Variants in GCNT1 observed in about 807,000 individuals in gnomAD.
The protein encoded by GCNT1 is glucosaminyl (N-acetyl) transferase 1, also known as beta-1,3-galactosyl-O-glycosyl-glycoprotein beta-1,6-N-acetylglucosaminyltransferase.
GCNT1 carries 16 observed loss-of-function variants against 26.2 expected under a neutral mutation model. That is an observed-to-expected ratio of 0.61 (90% CI 0.41 to 0.93). GCNT1 has a LOEUF of 0.93. Among genes scored for constraint, GCNT1 ranks in the 40% least tolerant of loss-of-function variants. The pLI, the probability that GCNT1 is intolerant of heterozygous loss-of-function variation, is 0.00. For synonymous variants in GCNT1, 183 were observed against 190.8 expected (o/e 0.96, Z 0.34); for missense variants, 477 against 526.7 (o/e 0.91, Z 0.92).
chr9:76,464,522 A>G (rs1823952416), intron 2 of GCNT1, among the ~76,000 whole-genome samples: 1 of 152,014 alleles, frequency 6.6e-6, no homozygotes, highest in Non-Finnish European at 1.5e-5. Flanking sequence ...TGGCCACTAA[A>G]GTGTTTTTGA....
intron 2 of GCNT1, among the ~76,000 whole-genome samples, chr9:76,469,687 T>G (rs1824088388): frequency 6.6e-6 from 1 of 152,204 alleles, no homozygotes; most frequent in South Asian, 2.1e-4. Flanking sequence ...TCCGCTGTGC[T>G]CCTGATCCAG....
At chr9:76,491,474 G>C (rs1345344347) in intron 2 of GCNT1, among the ~76,000 whole-genome samples, 1 of 152,152 alleles carries the variant, frequency 6.6e-6, no homozygotes, top group African/African-American at 2.4e-5. Context: ...TGTAGGATTA[G>C]ATAAGCATAC....
intron 1 of GCNT1, among the ~76,000 whole-genome samples, chr9:76,425,136 C>CT (rs1480383702): frequency 0.029 from 1,709 of 58,718 alleles, 42 homozygotes; most frequent in African/African-American, 0.099. Context: ...GAAACTCCGT[C>CT]TAAAAAAAAA....
the GCNT1 span, chr9:76,394,302 C>T: frequency 2.4e-6 from 2 of 844,138 alleles, no homozygotes; most frequent in Non-Finnish European, 3.5e-6. Context: ...GGGGGCGCAC[C>T]AGTGGCCGGA....
chr9:76,424,437 A>G (rs1208820335), intron 1 of GCNT1, among the ~76,000 whole-genome samples: 1 of 152,224 alleles, frequency 6.6e-6, no homozygotes, highest in Non-Finnish European at 1.5e-5. Flanking sequence ...CCATTTTCAC[A>G]GAGTAGGTAA....
the GCNT1 span, among the ~76,000 whole-genome samples, chr9:76,396,563 C>T: frequency 1.6e-4 from 24 of 152,128 alleles, no homozygotes; most frequent in Middle Eastern, 6.8e-3. Flanking sequence ...CAGCCAGGGC[C>T]TGGCACAGTG....
chr9:76,422,174 AC>A (rs1242151926), intron 1 of GCNT1, among the ~76,000 whole-genome samples: 1 of 151,840 alleles, frequency 6.6e-6, no homozygotes, highest in East Asian at 1.9e-4. Context: ...AATTATTAAT[AC>A]CTCCCACCGG....
At chr9:76,485,935 A>G (rs888324055) in intron 2 of GCNT1, among the ~76,000 whole-genome samples, 2 of 152,050 alleles carry the variant, frequency 1.3e-5, no homozygotes, top group African/African-American at 4.8e-5. Flanking sequence ...GTTTCGCCAT[A>G]TCGGCCAGGC....
intron 2 of GCNT1, among the ~76,000 whole-genome samples, chr9:76,496,893 T>C (rs1824922105): frequency 6.6e-6 from 1 of 152,194 alleles, no homozygotes; most frequent in Non-Finnish European, 1.5e-5. Context: ...CAAGGAAGTC[T>C]CCTCTTCCAG....
chr9:76,486,702 G>A (rs1307604813), intron 2 of GCNT1, among the ~76,000 whole-genome samples: 1 of 152,166 alleles, frequency 6.6e-6, no homozygotes, highest in African/African-American at 2.4e-5. Context: ...ATCTTAAACA[G>A]AGTATGCTTT....
rs770875325 is a variant in GCNT1, at chr9:76,502,760, A to G, written c.379A>G (p.Ile127Val). Reference protein sequence around the residue: ...EEAEFPIAYSIVVHHKIEMLD... With the variant: ...EEAEFPIAYSVVVHHKIEMLD... Reference sequence around the variant, plus strand: ...GGCGGAGTTTCCAATAGCATATTCTATAGTGGTTCATCACAAGATTGAAAT... The same window carrying G: ...GGCGGAGTTTCCAATAGCATATTCTGTAGTGGTTCATCACAAGATTGAAAT... The change falls in exon 4 of 4, where the codon ATA (isoleucine) becomes GTA (valine). Residue 127 changes from isoleucine to valine, a missense_variant. Transcript: ENST00000376730. 46 of 1,614,170 alleles carry G rather than the reference A, an allele frequency of 2.8e-5. No individual in the cohort carries two copies. The highest frequency in any genetic ancestry group is 2.7e-4 in the Admixed American group (16 of 60,032).
At chr9:76,447,836 C>T (rs1823603315) in intron 1 of GCNT1, among the ~76,000 whole-genome samples, 1 of 152,212 alleles carries the variant, frequency 6.6e-6, no homozygotes. Context: ...GCATGTCAGT[C>T]CACAATCCCT....
At chr9:76,454,793 GC>G (rs1358293848), upstream of GCNT1, among the ~76,000 whole-genome samples, 2 of 149,214 alleles carry the variant, frequency 1.3e-5, no homozygotes, top group East Asian at 2.0e-4. Flanking sequence ...GTTTCCTGAG[GC>G]CCCCCCAGCC....
At chr9:76,484,163 T>C (rs1368044362) in intron 2 of GCNT1, among the ~76,000 whole-genome samples, 1 of 152,164 alleles carries the variant, frequency 6.6e-6, no homozygotes, top group Non-Finnish European at 1.5e-5. Context: ...GGAGGCTTGC[T>C]TGAGGCCAGG....
the GCNT1 span, among the ~76,000 whole-genome samples, chr9:76,406,030 T>G: frequency 6.6e-6 from 1 of 152,232 alleles, no homozygotes; most frequent in Non-Finnish European, 1.5e-5. Context: ...GAGCTCCTGT[T>G]GCTGCACATC....
At chr9:76,470,717 C>G (rs1396145832) in intron 2 of GCNT1, among the ~76,000 whole-genome samples, 2 of 151,720 alleles carry the variant, frequency 1.3e-5, no homozygotes, top group South Asian at 2.1e-4. Flanking sequence ...ATACATCTAT[C>G]AAAACATCAC....
At chr9:76,429,756 C>T (rs892191496) in intron 1 of GCNT1, among the ~76,000 whole-genome samples, 4 of 142,652 alleles carry the variant, frequency 2.8e-5, no homozygotes, top group Non-Finnish European at 4.5e-5. Context: ...TCGCTGTCTC[C>T]TAGGCTGGAG....
intron 1 of GCNT1, among the ~76,000 whole-genome samples, chr9:76,443,054 C>T (rs2131582486): frequency 6.6e-6 from 1 of 152,112 alleles, no homozygotes; most frequent in Non-Finnish European, 1.5e-5. Context: ...AAAAGGGATC[C>T]TAATCTGGAT....
chr9:76,415,249 G>A (rs1823122820), upstream of GCNT1, among the ~76,000 whole-genome samples: 1 of 152,150 alleles, frequency 6.6e-6, no homozygotes, highest in Non-Finnish European at 1.5e-5. Flanking sequence ...TGGAGACAGA[G>A]TTTCACCATG....
Sources: allele counts gnomAD v4.1 joint callset (sites outside exome capture counted in the v4.1 genomes callset), GRCh38; gene constraint gnomAD v4.1.1; transcripts MANE v1.5; gene names NCBI Gene and HGNC (gene_info 2026-07-23, HGNC 2026-07-21).